The following MYO18B variants were observed in gnomAD, a reference collection of about 807,000 sequenced individuals.
MYO18B encodes unconventional myosin-XVIIIb.
MYO18B carries 204 observed loss-of-function variants against 273.0 expected under a neutral mutation model. The ratio of observed to expected loss-of-function variants is 0.75; its 90% CI spans 0.67 to 0.84. The LOEUF (loss-of-function observed/expected upper bound fraction) is 0.84. Among genes scored for constraint, MYO18B ranks in the 40% least tolerant of loss-of-function variants. The pLI is 0.00. For missense variants in MYO18B, 3,212 were observed against 3,287.6 expected (o/e 0.98, Z 0.56); for synonymous variants, 1,330 against 1,305.7 (o/e 1.02, Z -0.40).
chr22:25,996,178 G>A (rs1461928015), intron 40 of MYO18B, among the ~76,000 whole-genome samples: 1 of 152,180 alleles, frequency 6.6e-6, no homozygotes, highest in African/African-American at 2.4e-5. Flanking sequence ...CTGAGCCTCC[G>A]TCTCTTTGAG....
intron 34 of MYO18B, among the ~76,000 whole-genome samples, chr22:25,939,139 A>T (rs6004841): frequency 0.029 from 4,354 of 152,294 alleles, 193 homozygotes; most frequent in African/African-American, 0.092. Context: ...TTGAGTGTTT[A>T]TTCTGTGGCT....
At chr22:25,794,183 C>T (rs1270521299) in intron 11 of MYO18B, among the ~76,000 whole-genome samples, 2 of 151,986 alleles carry the variant, frequency 1.3e-5, no homozygotes, top group African/African-American at 2.4e-5. Context: ...CCACCCACCT[C>T]AGCCTCCCAA....
At chr22:25,805,605 G>A (rs1431131470) in intron 12 of MYO18B, among the ~76,000 whole-genome samples, 2 of 152,044 alleles carry the variant, frequency 1.3e-5, no homozygotes, top group African/African-American at 4.8e-5. Context: ...TTCTCATGCC[G>A]CAGCCAGCAG....
intron 33 of MYO18B, among the ~76,000 whole-genome samples, chr22:25,912,555 C>T (rs2092178849): frequency 6.6e-6 from 1 of 152,152 alleles, no homozygotes; most frequent in Non-Finnish European, 1.5e-5. Flanking sequence ...TAAATTAGCA[C>T]TTTTGATGAT....
At chr22:25,788,163 C>G (rs2087482865) in intron 11 of MYO18B, among the ~76,000 whole-genome samples, 1 of 152,214 alleles carries the variant, frequency 6.6e-6, no homozygotes, top group African/African-American at 2.4e-5. Flanking sequence ...TCTTTGTTCT[C>G]TCTCTGCTAC....
chr22:25,962,017 A>G (rs1428365644), intron 39 of MYO18B, among the ~76,000 whole-genome samples: 1 of 152,172 alleles, frequency 6.6e-6, no homozygotes, highest in Admixed American at 6.5e-5. Context: ...GGCCCTCACT[A>G]GAAGCAGGTG....
At chr22:25,805,973 T>C (rs2145803097) in intron 12 of MYO18B, among the ~76,000 whole-genome samples, 1 of 152,258 alleles carries the variant, frequency 6.6e-6, no homozygotes. Context: ...ATTTTTCATG[T>C]GGGACGATTG....
intron 17 of MYO18B, among the ~76,000 whole-genome samples, chr22:25,835,828 G>A (rs1368254704): frequency 6.6e-6 from 1 of 152,250 alleles, no homozygotes; most frequent in Non-Finnish European, 1.5e-5. Flanking sequence ...AGAGAGCCAG[G>A]AACACGATGC....
chr22:25,817,432 C>CT (rs2089082190), intron 12 of MYO18B, among the ~76,000 whole-genome samples: 2 of 131,690 alleles, frequency 1.5e-5, no homozygotes, highest in Non-Finnish European at 3.2e-5. Flanking sequence ...CTTTCCCTTT[C>CT]CTTTCCCTTT....
At chr22:25,826,766 A>G in intron 14 of MYO18B, among the ~76,000 whole-genome samples, 1 of 152,206 alleles carries the variant, frequency 6.6e-6, no homozygotes, top group Admixed American at 6.5e-5. Context: ...ATGAATTTAA[A>G]TAACTCTTCC....
intron 17 of MYO18B, among the ~76,000 whole-genome samples, chr22:25,842,470 C>A (rs1056194890): frequency 6.6e-6 from 1 of 151,862 alleles, no homozygotes; most frequent in African/African-American, 2.4e-5. Flanking sequence ...GTCAGGAGTT[C>A]GAGACCAGCC....
rs957056728 is a variant in MYO18B, at chr22:25,962,128, A to G, written c.6156+6764A>G. On this transcript the variant is annotated intron_variant, in intron 39 of 43. Coordinates refer to ENST00000335473, the MANE Select transcript of MYO18B (RefSeq NM_032608.7). The stretch of plus-strand genomic sequence containing the variant: ...TCAGGTATTCCTTTATAGCAACACA[A>G]TTGAAATAAGACAAGACCCCAGTGC... Among the ~76,000 whole-genome samples, 6 of 152,178 alleles carry G rather than the reference A, an allele frequency of 3.9e-5. No homozygotes were observed. The East Asian group carries it at 5.8e-4, about 15-fold the overall frequency.
intron 41 of MYO18B, among the ~76,000 whole-genome samples, chr22:26,003,669 G>T (rs977945947): frequency 2.0e-5 from 3 of 152,006 alleles, no homozygotes; most frequent in Non-Finnish European, 4.4e-5. Flanking sequence ...CGACCTTTAT[G>T]ACCTCCGTAC....
intron 3 of MYO18B, among the ~76,000 whole-genome samples, chr22:25,767,836 TA>T (rs1305883153): frequency 1.6e-4 from 24 of 149,546 alleles, no homozygotes; most frequent in African/African-American, 5.5e-4. Context: ...GTCATTTAGC[TA>T]AGGTCACACA....
chr22:25,820,450 T>G (rs2089233916), intron 12 of MYO18B, among the ~76,000 whole-genome samples: 1 of 152,182 alleles, frequency 6.6e-6, no homozygotes, highest in African/African-American at 2.4e-5. Flanking sequence ...TCTGATTGAT[T>G]GAAAAATCCC....
At chr22:25,835,517 G>C in intron 17 of MYO18B, 74 bp downstream of exon 17, 1 of 1,586,962 alleles carries the variant, frequency 6.3e-7, no homozygotes, top group South Asian at 1.1e-5. Context: ...TCTGCTGCAG[G>C]GAAAGCCCTG....
intron 36 of MYO18B, among the ~76,000 whole-genome samples, chr22:25,949,997 C>T (rs1050877418): frequency 6.6e-6 from 1 of 152,194 alleles, no homozygotes; most frequent in African/African-American, 2.4e-5. Context: ...GGCTCCACAG[C>T]TTGCTAAGGC....
rs956790675 is a variant in MYO18B, at chr22:25,883,649, A to C, written c.4314+5601A>C. On this transcript the variant is annotated intron_variant, in intron 25 of 43. Coordinates refer to ENST00000335473, the MANE Select transcript of MYO18B (RefSeq NM_032608.7). This position sits in a 1 kb window ranked among gnomAD's most constrained non-coding sequence, Gnocchi z 7.6. ...AGACACCCTTCCAGGACCATGCATC[A>C]TGATGACACCCCTGCTGCGGTTCGT... 1.3e-5 allele frequency: 2 copies of C among 152,188 alleles called. No homozygotes were observed. The highest frequency in any genetic ancestry group is 2.9e-5 in the Non-Finnish European group (2 of 68,040). The allele number at this position is 152,188 out of a possible 1,614,324, so 9.4% of individuals were successfully genotyped here.
chr22:25,853,337 T>C (rs1403440602), intron 21 of MYO18B, among the ~76,000 whole-genome samples: 1 of 152,238 alleles, frequency 6.6e-6, no homozygotes, highest in African/African-American at 2.4e-5. Context: ...TTAGTTCTTC[T>C]TTGCAGTGGG....
Sources: gnomAD v4.1 joint callset for allele counts (sites outside exome capture counted in the v4.1 genomes callset) on GRCh38, gnomAD v4.1.1 for gene constraint, Gnocchi (gnomAD v3.1) non-coding constraint, MANE v1.5 for transcripts, NCBI Gene and HGNC (gene_info 2026-07-23, HGNC 2026-07-21) for gene names.